Variants in RGS7 observed in about 807,000 individuals in gnomAD.
The protein encoded by RGS7 is regulator of G protein signaling 7.
Under a neutral mutation model 81.1 loss-of-function variants are expected in RGS7, and 27 were observed. The observed-to-expected ratio is 0.33, with a 90% CI of 0.25 to 0.46. RGS7 has a LOEUF of 0.46. Among genes scored for constraint, RGS7 ranks in the 20% least tolerant of loss-of-function variants. The pLI is 1.00. For missense variants in RGS7, 396 were observed against 607.4 expected (o/e 0.65, Z 3.66); for synonymous variants, 208 against 207.7 (o/e 1.00, Z -0.01).
intron 2 of RGS7, among the ~76,000 whole-genome samples, chr1:241,353,915 T>G (rs1244808248): frequency 6.6e-6 from 1 of 152,170 alleles, no homozygotes; most frequent in African/African-American, 2.4e-5. Context: ...GTCTTCTTAT[T>G]TTTTCTTTTT....
chr1:241,065,291 A>C (rs1436067402), intron 3 of RGS7, among the ~76,000 whole-genome samples: 1 of 149,300 alleles, frequency 6.7e-6, no homozygotes, highest in African/African-American at 2.5e-5. Flanking sequence ...GATATATTAT[A>C]GATATAGATA....
intron 2 of RGS7, among the ~76,000 whole-genome samples, chr1:241,232,379 T>C (rs2075715181): frequency 6.6e-6 from 1 of 150,442 alleles, no homozygotes; most frequent in African/African-American, 2.5e-5. Flanking sequence ...AATACATATA[T>C]TTTTTTTTGG....
At chr1:240,990,061 T>C (rs190494313) in intron 3 of RGS7, among the ~76,000 whole-genome samples, 1 of 152,330 alleles carries the variant, frequency 6.6e-6, no homozygotes, top group Non-Finnish European at 1.5e-5. Context: ...CTGAAATCTT[T>C]TAGTCCTAAG....
Position 240,878,586 on chromosome 1 carries a change from C to T in RGS7, c.386-8467G>A, listed in dbSNP as rs534531140. Among the ~76,000 whole-genome samples the T allele has an allele frequency of 4.9e-4, 73 of 149,806 alleles. 1 individual carries two copies. The highest frequency in any genetic ancestry group is 1.7e-3 in the African/African-American group (71 of 40,762). ...AACATTTTTAAATTAGACTTAAGGC[C>T]CATTAATACATTAGAGATAAAAACT... On this transcript the variant is annotated intron_variant, in intron 6 of 18. Transcript: ENST00000440928.
chr1:241,073,397 C>T (rs1455952368), intron 3 of RGS7, among the ~76,000 whole-genome samples: 2 of 152,138 alleles, frequency 1.3e-5, no homozygotes, highest in African/African-American at 4.8e-5. Flanking sequence ...TTCACAGAAC[C>T]TGACTACAGA....
At chr1:241,238,966 C>CTCTTTTT (rs397786851) in intron 2 of RGS7, among the ~76,000 whole-genome samples, 7 of 106,644 alleles carry the variant, frequency 6.6e-5, no homozygotes, top group Non-Finnish European at 9.1e-5. Flanking sequence ...GCCTCTCTCT[C>CTCTTTTT]TTTTTTTTTT....
chr1:240,990,179 C>T (rs551358511), intron 3 of RGS7, among the ~76,000 whole-genome samples: 4 of 152,116 alleles, frequency 2.6e-5, no homozygotes, highest in East Asian at 1.9e-4. Flanking sequence ...GTCATGCTGG[C>T]GAGAGGTATC....
intron 9 of RGS7, among the ~76,000 whole-genome samples, chr1:240,843,938 ATCAGAG>A (rs1658586569): frequency 1.3e-5 from 2 of 152,286 alleles, no homozygotes; most frequent in South Asian, 4.1e-4. Flanking sequence ...TCTCTGTGAA[ATCAGAG>A]TCCATGCTGG....
intron 3 of RGS7, among the ~76,000 whole-genome samples, chr1:241,002,207 G>A (rs1469637121): frequency 2.0e-5 from 3 of 152,040 alleles, no homozygotes; most frequent in African/African-American, 4.8e-5. Context: ...AGCACTTTGG[G>A]AGGCCGAGGC....
At chr1:240,840,925 T>C (rs984539560) in intron 9 of RGS7, among the ~76,000 whole-genome samples, 1 of 151,700 alleles carries the variant, frequency 6.6e-6, no homozygotes, top group African/African-American at 2.4e-5. Flanking sequence ...AGTTTTATTT[T>C]CTGTTTGCTT....
intron 2 of RGS7, among the ~76,000 whole-genome samples, chr1:241,111,226 A>G (rs2065490588): frequency 6.6e-6 from 1 of 152,198 alleles, no homozygotes; most frequent in Admixed American, 6.5e-5. Context: ...TATGTAAATT[A>G]TCTGCTAGTT....
chr1:240,819,347 TTTG>T (rs1217988760), intron 10 of RGS7, among the ~76,000 whole-genome samples: 2 of 152,200 alleles, frequency 1.3e-5, no homozygotes, highest in Non-Finnish European at 2.9e-5. Flanking sequence ...AACACAGCAA[TTTG>T]TGGTATCATG....
chr1:241,205,631 T>C (rs1009702161), intron 2 of RGS7, among the ~76,000 whole-genome samples: 1 of 151,944 alleles, frequency 6.6e-6, no homozygotes, highest in Admixed American at 6.6e-5. Context: ...TTTTGTATTT[T>C]TGTATTTTTA....
intron 2 of RGS7, among the ~76,000 whole-genome samples, chr1:241,125,198 C>T (rs1005230664): frequency 3.3e-5 from 5 of 152,068 alleles, no homozygotes; most frequent in South Asian, 2.1e-4. Flanking sequence ...TCCACACAGG[C>T]GGTCATTTTC....
chr1:241,021,203 C>T (rs1328507610), intron 3 of RGS7, among the ~76,000 whole-genome samples: 1 of 152,098 alleles, frequency 6.6e-6, no homozygotes, highest in Non-Finnish European at 1.5e-5. Context: ...CACACAACAG[C>T]AGCTGTCTGT....
chr1:241,298,794 C>T (rs960276093), intron 2 of RGS7, among the ~76,000 whole-genome samples: 9 of 152,148 alleles, frequency 5.9e-5, no homozygotes, highest in African/African-American at 2.2e-4. Flanking sequence ...GGCCATTAAT[C>T]GGCAGTGGCA....
intron 6 of RGS7, among the ~76,000 whole-genome samples, chr1:240,899,336 G>A (rs1235542627): frequency 1.3e-5 from 2 of 152,134 alleles, no homozygotes; most frequent in African/African-American, 2.4e-5. Context: ...TATGATGTTC[G>A]ATGGTTATTT....
chr1:240,813,500 C>A, intron 13 of RGS7, 118 bp downstream of exon 13: 2 of 717,232 alleles, frequency 2.8e-6, no homozygotes, highest in Non-Finnish European at 5.1e-6. Context: ...TAGATATAGG[C>A]CAATGTAGAT....
intron 3 of RGS7, among the ~76,000 whole-genome samples, chr1:241,002,874 CAT>C (rs1450377759): frequency 6.6e-6 from 1 of 152,122 alleles, no homozygotes; most frequent in South Asian, 2.1e-4. Context: ...CTAATTAAAA[CAT>C]ATGAATACAA....
Sources: gnomAD v4.1 joint callset for allele counts (sites outside exome capture counted in the v4.1 genomes callset) on GRCh38, gnomAD v4.1.1 for gene constraint, MANE v1.5 for transcripts, NCBI Gene and HGNC (gene_info 2026-07-23, HGNC 2026-07-21) for gene names.